Variants in FAM76B observed in about 807,000 individuals in gnomAD.
The protein encoded by FAM76B is protein FAM76B.
In FAM76B, 16 loss-of-function variants were observed where a neutral mutation model predicts 51.8. That is an observed-to-expected ratio of 0.31 (90% confidence interval 0.21 to 0.47). The LOEUF is 0.47. Among genes scored for constraint, FAM76B ranks in the 20% least tolerant of loss-of-function variants. FAM76B has a pLI of 1.00. For synonymous variants in FAM76B, 166 were observed against 129.5 expected (o/e 1.28, Z -1.91); for missense variants, 342 against 392.6 (o/e 0.87, Z 1.09).
intron 9 of FAM76B, among the ~76,000 whole-genome samples, chr11:95,775,421 C>T (rs1461255780): frequency 1.3e-5 from 2 of 151,316 alleles, no homozygotes; most frequent in East Asian, 3.9e-4. Flanking sequence ...TTAGCAGAAC[C>T]CTATTTGGCA....
intron 9 of FAM76B, among the ~76,000 whole-genome samples, chr11:95,775,234 G>A (rs1236356439): frequency 1.3e-5 from 2 of 151,438 alleles, no homozygotes; most frequent in African/African-American, 4.8e-5. Context: ...AAACCTAGAA[G>A]AGAAGCAGCT....
At position 95,770,846 on chromosome 11, in the gene FAM76B, G is replaced by A. The variant is rs1859734916; in HGVS notation, c.*715C>T. On this transcript the variant is annotated 3_prime_UTR_variant, in exon 10 of 10. Transcript: ENST00000358780. ...AACAAAATGTATGTACAAAAGATCAGCATTCCTATAAATAAAAACATTAGG... is the reference window on the plus strand; with the variant it reads ...AACAAAATGTATGTACAAAAGATCAACATTCCTATAAATAAAAACATTAGG... The A allele has an allele frequency of 6.6e-6, 1 of 151,648 alleles. No individual in the cohort carries two copies. The highest frequency in any genetic ancestry group is 6.6e-5 in the Admixed American group (1 of 15,138). 9.4% of individuals were successfully genotyped at this position (151,648 alleles called of 1,614,324 possible). A position where few individuals can be genotyped will look rare whatever the true frequency, so the allele number is the denominator to read the frequency against.
chr11:95,789,631 C>T lies in FAM76B; in HGVS notation c.-153G>A, dbSNP rs1012227448. Reference sequence around the variant, plus strand: ...GGGCCTCGCCGCGAGAGCCCAGGGCCCCGCGGACGACGCCACCGTCTCCCT... The same window carrying T: ...GGGCCTCGCCGCGAGAGCCCAGGGCTCCGCGGACGACGCCACCGTCTCCCT... On this transcript the variant is annotated 5_prime_UTR_variant, in exon 1 of 10. Coordinates refer to ENST00000358780, the MANE Select transcript of FAM76B (RefSeq NM_144664.5). 5 of 577,432 alleles carry T rather than the reference C, an allele frequency of 8.7e-6. No individual in the cohort carries two copies. Among genetic ancestry groups the T allele is most frequent in the East Asian group, 3.4e-5 (1 of 29,782 alleles). The allele number at this position is 577,432 out of a possible 1,614,324, so 35.8% of individuals were successfully genotyped here.
intron 9 of FAM76B, among the ~76,000 whole-genome samples, chr11:95,774,220 C>T (rs761470243): frequency 6.6e-6 from 1 of 151,384 alleles, no homozygotes; most frequent in Non-Finnish European, 1.5e-5. Context: ...ATTTCTACGT[C>T]ACCGCTTACT....
chr11:95,782,171 T>C (rs534578135), intron 5 of FAM76B, among the ~76,000 whole-genome samples: 138 of 152,282 alleles, frequency 9.1e-4, no homozygotes, highest in African/African-American at 3.0e-3. Context: ...AATTGCATTT[T>C]AAAAAATCTT....
In FAM76B at chr11:95,771,620, C is replaced by A; in HGVS notation, c.961G>T (p.Ala321Ser). 1.2e-6 allele frequency: 2 copies of A among 1,606,936 alleles called. No individual in the cohort carries two copies. Among genetic ancestry groups the A allele is most frequent in the Middle Eastern group, 1.7e-4 (1 of 6,020 alleles). The change falls in exon 10 of 10, where the codon GCA becomes TCA. Residue 321 changes from alanine (A) to serine (S), a missense_variant. Physicochemically the swap from Ala to Ser is moderately conservative, Grantham distance 99. Around this residue, in one of 3 missense-constraint regions of FAM76B, gnomAD observed 230 missense variants for 257.4 expected, o/e 0.89. Coordinates refer to ENST00000358780, the MANE Select transcript of FAM76B (RefSeq NM_144664.5). ...AATTTTTTACCCTTTGATAATGCTG[C>A]GACCTGTTTGAGTAGTTCTCTGTTT... ...AKNRELLKQVAALSKGKKFDK... is the reference protein window; with the variant it reads ...AKNRELLKQVSALSKGKKFDK...
chr11:95,784,591 C>A (rs866588641), intron 4 of FAM76B, among the ~76,000 whole-genome samples: 84 of 149,468 alleles, frequency 5.6e-4, no homozygotes, highest in African/African-American at 1.6e-3. Flanking sequence ...CACACACACA[C>A]AATTTTTTTT....
At position 95,788,500 on chromosome 11, in the gene FAM76B, T is replaced by C; in HGVS notation, c.151A>G (p.Ser51Gly). The C allele has an allele frequency of 6.2e-7, 1 of 1,610,976 alleles. No individual in the cohort carries two copies. The highest frequency in any genetic ancestry group is 1.1e-5 in the South Asian group (1 of 91,036). Residue 51 changes from serine (S) to glycine (G), a missense_variant and splice_region_variant, in exon 2 of 10, where the codon AGC (serine) becomes GGC (glycine). Around this residue, in one of 3 missense-constraint regions of FAM76B, gnomAD observed 96 missense variants for 94.7 expected, o/e 1.01. Coordinates refer to ENST00000358780, the MANE Select transcript of FAM76B (RefSeq NM_144664.5). Reference protein sequence around the residue: ...TYCRSEFQQESKTNTICKKCA... With the variant: ...TYCRSEFQQEGKTNTICKKCA... ...TCAAAAACTATTCAGTATACAAACC[T>C]CTCTTGTTGAAATTCTGATCTGCAG...
chr11:95,788,937 G>C (rs1422792263), intron 1 of FAM76B: 5 of 1,348,858 alleles, frequency 3.7e-6, no homozygotes, highest in East Asian at 4.4e-5. Flanking sequence ...CAAACCAGTC[G>C]CTTCGCTTTC....
intron 1 of FAM76B, 152 bp from the exon 2 acceptor site, chr11:95,788,715 G>T: frequency 8.2e-7 from 1 of 1,214,734 alleles, no homozygotes; most frequent in Non-Finnish European, 1.1e-6. Context: ...TCATATAAGT[G>T]GCCAATCACA....
intron 2 of FAM76B, 62 bp from the exon 3 acceptor site, chr11:95,787,740 T>C: frequency 1.5e-6 from 2 of 1,367,636 alleles, no homozygotes; most frequent in Non-Finnish European, 2.0e-6. Flanking sequence ...TAGCACAATG[T>C]CAAAATAAAA....
chr11:95,780,423 T>G (rs1860205425), intron 5 of FAM76B, among the ~76,000 whole-genome samples: 1 of 151,960 alleles, frequency 6.6e-6, no homozygotes, highest in Non-Finnish European at 1.5e-5. Flanking sequence ...TTAAGAATCC[T>G]CTCCAAAGTC....
At chr11:95,777,504 T>C (rs1473564553) in intron 8 of FAM76B, among the ~76,000 whole-genome samples, 1 of 151,394 alleles carries the variant, frequency 6.6e-6, no homozygotes, top group Non-Finnish European at 1.5e-5. Flanking sequence ...ATTCAACTTT[T>C]CTCAAGGCTA....
chr11:95,783,368 A>G (rs941369205), intron 4 of FAM76B, 104 bp from the exon 5 acceptor site: 1 of 891,052 alleles, frequency 1.1e-6, no homozygotes, highest in Non-Finnish European at 1.7e-6. Context: ...CACACGTAAC[A>G]TGCACAAATG....
chr11:95,774,243 T>A (rs117439388), intron 9 of FAM76B, among the ~76,000 whole-genome samples: 2,664 of 151,434 alleles, frequency 0.018, 44 homozygotes, highest in South Asian at 0.064. Flanking sequence ...GTGATCACAG[T>A]TTCCTCTGTA....
At position 95,770,647 on chromosome 11, in the gene FAM76B, A is replaced by T. The variant is rs1402885581; in HGVS notation, c.*914T>A. ...ACATAATTAAATGAATTCAAAGACCAACAGCTTCCCTTATCACACAGAAAC... is the reference window on the plus strand; with the variant it reads ...ACATAATTAAATGAATTCAAAGACCTACAGCTTCCCTTATCACACAGAAAC... On this transcript the variant is annotated 3_prime_UTR_variant, in exon 10 of 10. Coordinates refer to ENST00000358780, the MANE Select transcript of FAM76B (RefSeq NM_144664.5). 6.6e-6 allele frequency: 1 copy of T among 151,798 alleles called. No individual in the cohort carries two copies. The highest frequency in any genetic ancestry group is 1.5e-5 in the Non-Finnish European group (1 of 67,472). 9.4% of individuals were successfully genotyped at this position (151,798 alleles called of 1,614,324 possible).
At chr11:95,772,723 C>A (rs553495952) in intron 9 of FAM76B, among the ~76,000 whole-genome samples, 2 of 150,928 alleles carry the variant, frequency 1.3e-5, no homozygotes, top group African/African-American at 4.8e-5. Context: ...TAGCTTTTTA[C>A]GGGCAGATAA....
At position 95,778,831 on chromosome 11, in the gene FAM76B, T is replaced by A; in HGVS notation, c.819A>T (p.Lys273Asn). ...LQQRDQTILE[K>N]DKKLTELKAD... ...TGAACCATGTTCTTACCTTTTTATCTTTTTCTAAAATGGTCTGGTCTCTCT... is the reference window on the plus strand; with the variant it reads ...TGAACCATGTTCTTACCTTTTTATCATTTTCTAAAATGGTCTGGTCTCTCT... Residue 273 changes from lysine to asparagine, a missense_variant, in exon 8 of 10, where the codon AAA becomes AAT. Around this residue, in one of 3 missense-constraint regions of FAM76B, gnomAD observed 230 missense variants for 257.4 expected, o/e 0.89. Transcript: ENST00000358780. The A allele has an allele frequency of 6.2e-7, 1 of 1,600,024 alleles. No homozygotes were observed. Among genetic ancestry groups the A allele is most frequent in the Non-Finnish European group, 8.5e-7 (1 of 1,174,916 alleles).
At chr11:95,782,313 A>C (rs1330777923) in intron 5 of FAM76B, among the ~76,000 whole-genome samples, 1 of 151,546 alleles carries the variant, frequency 6.6e-6, no homozygotes, top group Non-Finnish European at 1.5e-5. Flanking sequence ...CTATAGGAGA[A>C]TTTTTTTTTC....
Sources: gnomAD v4.1 joint callset for allele counts (sites outside exome capture counted in the v4.1 genomes callset) on GRCh38, gnomAD v4.1.1 for gene constraint, gnomAD v4.1.1 regional missense constraint, MANE v1.5 for transcripts, NCBI Gene and HGNC (gene_info 2026-07-23, HGNC 2026-07-21) for gene names.